SPIDR: variants seen among roughly 807,000 people sequenced by gnomAD.
SPIDR encodes DNA repair-scaffolding protein.
In SPIDR, 93 loss-of-function variants were observed where a neutral mutation model predicts 104.6. That is an observed-to-expected ratio of 0.89 (90% confidence interval 0.75 to 1.06). The LOEUF (loss-of-function observed/expected upper bound fraction) is 1.06. SPIDR is among the 50% of genes least tolerant of loss of function. SPIDR has a pLI of 0.00. For missense variants in SPIDR, 1,154 were observed against 1,111.2 expected (o/e 1.04, Z -0.55); for synonymous variants, 431 against 416.9 (o/e 1.03, Z -0.41).
intron 19 of SPIDR, chr8:47,732,000 T>C: frequency 1.6e-6 from 1 of 608,510 alleles, no homozygotes; most frequent in Non-Finnish European, 2.9e-6. Flanking sequence ...GCTCTCCAGC[T>C]GCTCCATGCT....
intron 10 of SPIDR, chr8:47,660,641 T>C: frequency 2.4e-6 from 1 of 420,326 alleles, no homozygotes; most frequent in Non-Finnish European, 3.2e-6. Flanking sequence ...ATTCTAATGG[T>C]TATGTATTGC....
chr8:47,735,750 A>AT lies in SPIDR; in HGVS notation c.*308dup, dbSNP rs990202351. The AT allele has an allele frequency of 5.5e-5, 32 of 586,358 alleles. No individual in the cohort carries two copies. The highest frequency in any genetic ancestry group is 7.3e-5 in the Admixed American group (2 of 27,228). The allele number at this position is 586,358 out of a possible 1,614,324, so 36.3% of individuals were successfully genotyped here. A position where few individuals can be genotyped will look rare whatever the true frequency, so the allele number is the denominator to read the frequency against. Reference sequence around the variant, plus strand: ...TATTTAGGCAATATATGAGAAAAAAATTTTTTTTGTTCATTTGTAATTTTA... The same window carrying AT: ...TATTTAGGCAATATATGAGAAAAAAATTTTTTTTTGTTCATTTGTAATTTTA... On this transcript the variant is annotated 3_prime_UTR_variant, in exon 20 of 20. Coordinates refer to ENST00000297423, the MANE Select transcript of SPIDR (RefSeq NM_001080394.4).
At chr8:47,394,603 C>T (rs2061033625) in intron 5 of SPIDR, among the ~76,000 whole-genome samples, 1 of 152,206 alleles carries the variant, frequency 6.6e-6, no homozygotes, top group Non-Finnish European at 1.5e-5. Context: ...CGGCCCACCT[C>T]ATGGTCCAGT....
intron 10 of SPIDR, among the ~76,000 whole-genome samples, chr8:47,668,137 A>C (rs1203709235): frequency 2.6e-5 from 4 of 152,228 alleles, no homozygotes; most frequent in Non-Finnish European, 5.9e-5. Context: ...CAAAACACAG[A>C]TTATGTGAGT....
intron 11 of SPIDR, among the ~76,000 whole-genome samples, chr8:47,683,651 T>C (rs1041043555): frequency 1.2e-4 from 18 of 152,228 alleles, no homozygotes; most frequent in African/African-American, 4.1e-4. Flanking sequence ...TGGGAAAATA[T>C]GAAATCCAAA....
At chr8:47,301,248 A>C (rs1244197632) in intron 5 of SPIDR, among the ~76,000 whole-genome samples, 1 of 152,126 alleles carries the variant, frequency 6.6e-6, no homozygotes, top group African/African-American at 2.4e-5. Flanking sequence ...AGTCTGTTTT[A>C]TCAGAGACTA....
chr8:47,466,490 G>A (rs1378283467), intron 8 of SPIDR, among the ~76,000 whole-genome samples: 1 of 152,144 alleles, frequency 6.6e-6, no homozygotes, highest in African/African-American at 2.4e-5. Flanking sequence ...CTAAGATACA[G>A]CATACCAGAA....
chr8:47,513,458 C>G (rs753713895), intron 8 of SPIDR, among the ~76,000 whole-genome samples: 3 of 152,194 alleles, frequency 2.0e-5, no homozygotes, highest in Non-Finnish European at 4.4e-5. Context: ...AAAAAAACAA[C>G]TTGATGTCTT....
At position 47,387,133 on chromosome 8, in the gene SPIDR, T is replaced by C. The variant is rs921416621; in HGVS notation, c.526-9243T>C. Among the ~76,000 whole-genome samples the C allele has an allele frequency of 7.2e-5, 11 of 152,208 alleles. 1 individual carries two copies. The Middle Eastern group carries it at 0.01, about 141-fold the overall frequency. On this transcript the variant is annotated intron_variant, in intron 5 of 19. Transcript: ENST00000297423. ...GGGGTGGGAATGAGGAAGCATATTC[T>C]AGGGCAGAAAGGGCTATGGCATCCA... is the stretch of plus-strand genomic sequence containing the variant.
At chr8:47,542,681 A>G (rs2088455223) in intron 8 of SPIDR, among the ~76,000 whole-genome samples, 1 of 152,208 alleles carries the variant, frequency 6.6e-6, no homozygotes, top group African/African-American at 2.4e-5. Context: ...AGTAATACAG[A>G]AAGATCCTAT....
At chr8:47,288,075 C>T (rs373750174) in intron 3 of SPIDR, among the ~76,000 whole-genome samples, 15 of 152,172 alleles carry the variant, frequency 9.9e-5, no homozygotes, top group African/African-American at 2.6e-4. Flanking sequence ...GGCTCCAGCT[C>T]GTCCCTCTGT....
chr8:47,444,363 A>G (rs1410408700), intron 8 of SPIDR, among the ~76,000 whole-genome samples: 2 of 152,186 alleles, frequency 1.3e-5, no homozygotes, highest in Non-Finnish European at 2.9e-5. Context: ...GACAACCAGG[A>G]CACCTCTCAT....
At chr8:47,327,531 G>C (rs2047890424) in intron 5 of SPIDR, among the ~76,000 whole-genome samples, 1 of 151,898 alleles carries the variant, frequency 6.6e-6, no homozygotes, top group Non-Finnish European at 1.5e-5. Flanking sequence ...CTCTCGAGTA[G>C]CTGGGACTAC....
intron 10 of SPIDR, among the ~76,000 whole-genome samples, chr8:47,610,445 T>G (rs1471398372): frequency 3.3e-5 from 5 of 152,118 alleles, no homozygotes; most frequent in Admixed American, 2.6e-4. Context: ...AAGGATGAGA[T>G]CAAGCCTGAC....
intron 10 of SPIDR, among the ~76,000 whole-genome samples, chr8:47,606,133 A>T (rs2062913164): frequency 6.6e-6 from 1 of 152,184 alleles, no homozygotes; most frequent in Non-Finnish European, 1.5e-5. Flanking sequence ...CTCTGGAATA[A>T]ACATATTGCA....
At chr8:47,382,516 G>A (rs1348343114) in intron 5 of SPIDR, among the ~76,000 whole-genome samples, 1 of 152,100 alleles carries the variant, frequency 6.6e-6, no homozygotes, top group Non-Finnish European at 1.5e-5. Context: ...GGGTTCAAAC[G>A]ATTCTCCTGC....
intron 8 of SPIDR, among the ~76,000 whole-genome samples, chr8:47,461,661 A>C (rs2098992674): frequency 6.6e-6 from 1 of 152,076 alleles, no homozygotes; most frequent in African/African-American, 2.4e-5. Context: ...GAGTTAATTC[A>C]AAAACCTTGT....
At chr8:47,502,964 T>A (rs1295694772) in intron 8 of SPIDR, among the ~76,000 whole-genome samples, 1 of 152,246 alleles carries the variant, frequency 6.6e-6, no homozygotes, top group African/African-American at 2.4e-5. Flanking sequence ...AGTTTCTTAA[T>A]CCTGAGTTCT....
intron 15 of SPIDR, 111 bp downstream of exon 15, chr8:47,712,983 C>G: frequency 6.6e-7 from 1 of 1,520,328 alleles, no homozygotes; most frequent in Non-Finnish European, 8.8e-7. Flanking sequence ...CCGGCACCTT[C>G]ACGGAGCCCA....
Sources: gnomAD v4.1 joint callset for allele counts (sites outside exome capture counted in the v4.1 genomes callset) on GRCh38, gnomAD v4.1.1 for gene constraint, MANE v1.5 for transcripts, NCBI Gene and HGNC (gene_info 2026-07-23, HGNC 2026-07-21) for gene names.